The following HCN2 variants were observed in gnomAD, a reference collection of about 807,000 sequenced individuals.
HCN2 encodes hyperpolarization activated cyclic nucleotide gated potassium and sodium channel 2.
A neutral mutation model predicts 52.3 loss-of-function variants in HCN2; 20 were observed. The observed-to-expected ratio is 0.38, with a 90% CI of 0.27 to 0.56. The LOEUF (loss-of-function observed/expected upper bound fraction) is 0.56. HCN2 is among the 20% of genes least tolerant of loss of function. The pLI, the probability that HCN2 is intolerant of heterozygous loss-of-function variation, is 0.71. For synonymous variants in HCN2, 694 were observed against 537.0 expected (o/e 1.29, Z -4.04); for missense variants, 981 against 1,207.7 (o/e 0.81, Z 2.78).
intron 1 of HCN2, among the ~76,000 whole-genome samples, chr19:595,718 C>T (rs772293604): frequency 7.2e-5 from 11 of 151,948 alleles, no homozygotes; most frequent in South Asian, 2.1e-4. Context: ...CGGGATCACC[C>T]GGGAACCCGA....
chr19:608,867 C>A (rs1042665407), intron 4 of HCN2, among the ~76,000 whole-genome samples: 43 of 152,176 alleles, frequency 2.8e-4, no homozygotes, highest in Non-Finnish European at 1.5e-5. Context: ...TCAGATGCGG[C>A]CTCTGGCCTG....
At chr19:605,899 G>A (rs7252580) in intron 3 of HCN2, among the ~76,000 whole-genome samples, 30,579 of 151,562 alleles carry the variant, frequency 0.2, 3,554 homozygotes, top group South Asian at 0.37. Context: ...TTACAGAGGG[G>A]GACCCAGGAC....
chr19:612,932 G>A (rs756242947), intron 5 of HCN2, among the ~76,000 whole-genome samples: 1 of 151,644 alleles, frequency 6.6e-6, no homozygotes, highest in Non-Finnish European at 1.5e-5. Flanking sequence ...CTCCCGCCTC[G>A]GCCTCCGCAA....
At chr19:599,984 T>C (rs1259055238) in intron 1 of HCN2, among the ~76,000 whole-genome samples, 2 of 151,742 alleles carry the variant, frequency 1.3e-5, no homozygotes, top group Non-Finnish European at 2.9e-5. Context: ...GTTGGAATTA[T>C]AGGCATGAGC....
At position 616,549 on chromosome 19, in the gene HCN2, G is replaced by C. The variant is rs974782383; in HGVS notation, c.*75G>C. ...ATCCAGACCAAAGCCATGCCATTGC[G>C]CTGCCCCGGCCGCCAGTCCGCCCAG... On this transcript the variant is annotated 3_prime_UTR_variant, in exon 8 of 8. Coordinates refer to ENST00000251287, the MANE Select transcript of HCN2 (RefSeq NM_001194.4). The C allele has an allele frequency of 1.6e-5, 14 of 882,628 alleles. No homozygotes were observed. In the African/African-American group the frequency reaches 2.5e-4, roughly 16 times the overall value. 54.7% of individuals were successfully genotyped at this position (882,628 alleles called of 1,614,324 possible).
At chr19:612,427 T>TGTGTGTGTGTGAGTGTGAGA in intron 5 of HCN2, among the ~76,000 whole-genome samples, 1 of 142,256 alleles carries the variant, frequency 7.0e-6, no homozygotes, top group Non-Finnish European at 1.5e-5. Context: ...TGTGTGTGTG[T>TGTGTGTGTGTGAGTGTGAGA]GAGAGAGAGA....
Position 616,146 on chromosome 19 carries a change from C to T in HCN2, c.2342C>T (p.Pro781Leu). The T allele has an allele frequency of 3.1e-6, 3 of 960,768 alleles. No individual in the cohort carries two copies. Among genetic ancestry groups the T allele is most frequent in the Non-Finnish European group, 2.5e-6 (2 of 810,452 alleles). The allele number at this position is 960,768 out of a possible 1,614,324, so 59.5% of individuals were successfully genotyped here. ...SPGPPPPASPPGAPASPRAPR... is the reference protein window; with the variant it reads ...SPGPPPPASPLGAPASPRAPR... ...GGGCCCCCGCCCCCCGCCAGCCCCC[C>T]GGGCGCGCCCGCCAGCCCCCGGGCA... The change falls in exon 8 of 8, where the codon CCG becomes CTG. Residue 781 changes from proline (P) to leucine (L), a missense_variant. Transcript: ENST00000251287.
intron 1 of HCN2, among the ~76,000 whole-genome samples, chr19:594,230 G>A (rs554573607): frequency 6.6e-6 from 1 of 152,156 alleles, no homozygotes; most frequent in Non-Finnish European, 1.5e-5. Context: ...GTGTCACCGA[G>A]GGGGCTGGGC....
chr19:614,522 G>A (rs2144535512), intron 7 of HCN2, among the ~76,000 whole-genome samples: 1 of 152,294 alleles, frequency 6.6e-6, no homozygotes, highest in Admixed American at 6.5e-5. Context: ...CAGGGTAAGG[G>A]ATGCCATGTG....
chr19:612,395 T>TGGGGGG (rs1309811893), intron 5 of HCN2, among the ~76,000 whole-genome samples: 2 of 38,454 alleles, frequency 5.2e-5, no homozygotes, highest in African/African-American at 2.0e-4. Flanking sequence ...TTTCCACTGG[T>TGGGGGG]GTGTGTGTGT....
chr19:612,427 T>TGTGTGTGAGAGAGA, intron 5 of HCN2, among the ~76,000 whole-genome samples: 183 of 142,352 alleles, frequency 1.3e-3, no homozygotes, highest in African/African-American at 4.5e-3. Flanking sequence ...TGTGTGTGTG[T>TGTGTGTGAGAGAGA]GAGAGAGAGA....
Position 590,279 on chromosome 19 carries a change from G to T in HCN2, c.334G>T (p.Ala112Ser). The T allele has an allele frequency of 1.0e-6, 1 of 988,408 alleles. No individual in the cohort carries two copies. 61.2% of individuals were successfully genotyped at this position (988,408 alleles called of 1,614,324 possible). A position where few individuals can be genotyped will look rare whatever the true frequency, so the allele number is the denominator to read the frequency against. Reference sequence around the variant, plus strand: ...GCGCGGCGAGCCGCAGTGCAGCCCCGCGGGGCCCGAGGGCCCGGCGCGGGG... The same window carrying T: ...GCGCGGCGAGCCGCAGTGCAGCCCCTCGGGGCCCGAGGGCCCGGCGCGGGG... ...CGRGEPQCSP[A>S]GPEGPARGPK... The change falls in exon 1 of 8, where the codon GCG becomes TCG. Residue 112 changes from alanine (A) to serine (S), a missense_variant. By Grantham distance (99) the Ala-to-Ser change is moderately conservative (BLOSUM62 1). This residue lies in a region of HCN2 where 215 missense variants were observed against 179.4 expected (regional missense o/e 1.20). Transcript: ENST00000251287. The surrounding 1 kb of genome is among the most constrained non-coding windows in gnomAD (Gnocchi z 7.2).
chr19:611,051 T>C (rs564351020), intron 5 of HCN2, among the ~76,000 whole-genome samples: 11 of 152,322 alleles, frequency 7.2e-5, no homozygotes, highest in African/African-American at 2.4e-4. Flanking sequence ...TGTCTCTGTC[T>C]CTTCTTGTAA....
chr19:607,417 G>T (rs993279392), intron 3 of HCN2, among the ~76,000 whole-genome samples: 1 of 152,218 alleles, frequency 6.6e-6, no homozygotes, highest in African/African-American at 2.4e-5. Flanking sequence ...GCTACAGAGG[G>T]AAGACCCGCC....
At chr19:610,490 G>C (rs1290316075) in intron 5 of HCN2, 85 bp downstream of exon 5, 1 of 1,246,606 alleles carries the variant, frequency 8.0e-7, no homozygotes, top group African/African-American at 1.5e-5. Flanking sequence ...CGGTCCCTGA[G>C]GGAGGCGAGG....
chr19:614,232 C>T (rs566209096), intron 7 of HCN2, among the ~76,000 whole-genome samples: 34 of 152,128 alleles, frequency 2.2e-4, no homozygotes, highest in Middle Eastern at 3.4e-3. Flanking sequence ...GCTCCTAGGA[C>T]CCCTTTGGGT....
At position 599,505 on chromosome 19, in the gene HCN2, C is replaced by T. The variant is rs558957068; in HGVS notation, c.633-4039C>T. On this transcript the variant is annotated intron_variant, in intron 1 of 7. Coordinates refer to ENST00000251287, the MANE Select transcript of HCN2 (RefSeq NM_001194.4). ...GATAAGGCCTCAAGAATTGGCCGGG[C>T]GCGGTGGCTCACGCCTGTAATCCCA... 1.6e-3 allele frequency among the ~76,000 whole-genome samples: 237 copies of T among 151,970 alleles called. 1 individual carries two copies. The highest frequency in any genetic ancestry group is 2.3e-3 in the Non-Finnish European group (153 of 67,982).
At position 603,561 on chromosome 19, in the gene HCN2, C is replaced by G. The variant is rs752207831; in HGVS notation, c.650C>G (p.Thr217Ser). 1 of 1,606,056 alleles carries G rather than the reference C, an allele frequency of 6.2e-7. No individual in the cohort carries two copies. The highest frequency in any genetic ancestry group is 1.7e-5 in the Admixed American group (1 of 59,818). ...YSDFRFYWDF[T>S]MLLFMVGNLI... The stretch of plus-strand genomic sequence containing the variant: ...GCCCCCAGGTTCTACTGGGACTTCA[C>G]CATGCTGCTGTTCATGGTGGGAAAC... Residue 217 changes from threonine to serine, a missense_variant, in exon 2 of 8, where the codon ACC (threonine) becomes AGC (serine). Thr to Ser is a moderately conservative substitution (Grantham distance 58). Around this residue, in one of 6 missense-constraint regions of HCN2, gnomAD observed 282 missense variants for 553.8 expected, o/e 0.51. Coordinates refer to ENST00000251287, the MANE Select transcript of HCN2 (RefSeq NM_001194.4).
intron 7 of HCN2, among the ~76,000 whole-genome samples, chr19:614,727 G>A (rs911591094): frequency 4.6e-5 from 7 of 152,148 alleles, no homozygotes; most frequent in Middle Eastern, 6.3e-3. Context: ...AGCCATGGAG[G>A]GTTCTAGGTG....
Sources: allele counts gnomAD v4.1 joint callset (sites outside exome capture counted in the v4.1 genomes callset), GRCh38; gene constraint gnomAD v4.1.1; regional missense constraint gnomAD v4.1.1; non-coding constraint Gnocchi (gnomAD v3.1); transcripts MANE v1.5; gene names NCBI Gene and HGNC (gene_info 2026-07-23, HGNC 2026-07-21).